Variants in FNDC3B observed in about 807,000 individuals in gnomAD.
The protein encoded by FNDC3B is fibronectin type III domain containing 3B.
A neutral mutation model predicts 151.5 loss-of-function variants in FNDC3B; 12 were observed. The observed-to-expected ratio is 0.08, with a 90% CI of 0.05 to 0.13. The LOEUF is 0.13. Ranked by LOEUF, FNDC3B falls within the 10% of genes least tolerant of loss-of-function variation. The pLI, the probability that FNDC3B is intolerant of heterozygous loss-of-function variation, is 1.00. For synonymous variants in FNDC3B, 528 were observed against 549.0 expected (o/e 0.96, Z 0.54); for missense variants, 1,214 against 1,505.3 (o/e 0.81, Z 3.20).
intron 3 of FNDC3B, among the ~76,000 whole-genome samples, chr3:172,192,258 C>T (rs898350193): frequency 2.6e-5 from 4 of 151,014 alleles, no homozygotes; most frequent in South Asian, 2.1e-4. Context: ...CTGCAACCTC[C>T]GCCTCCCTGG....
chr3:172,306,414 C>T (rs1342391602), intron 9 of FNDC3B, among the ~76,000 whole-genome samples: 4 of 152,310 alleles, frequency 2.6e-5, no homozygotes, highest in African/African-American at 9.6e-5. Flanking sequence ...GATTTCCCTA[C>T]CTCAGAGAGG....
At chr3:172,108,583 T>G (rs1419024689) in intron 1 of FNDC3B, among the ~76,000 whole-genome samples, 1 of 152,188 alleles carries the variant, frequency 6.6e-6, no homozygotes. Flanking sequence ...ACAGAGGAGG[T>G]TCACTTTTGG....
intron 6 of FNDC3B, among the ~76,000 whole-genome samples, chr3:172,262,720 T>C (rs916775731): frequency 7.3e-5 from 11 of 151,330 alleles, no homozygotes; most frequent in South Asian, 2.1e-4. Flanking sequence ...CTGGACAGCA[T>C]AGCAAGACCC....
intron 6 of FNDC3B, among the ~76,000 whole-genome samples, chr3:172,284,998 A>G (rs189398890): frequency 2.0e-5 from 3 of 152,146 alleles, no homozygotes; most frequent in Admixed American, 2.0e-4. Flanking sequence ...TCTATCACTT[A>G]TCTTTTTTTG....
intron 3 of FNDC3B, among the ~76,000 whole-genome samples, chr3:172,145,773 A>C (rs1721873741): frequency 6.6e-6 from 1 of 152,000 alleles, no homozygotes; most frequent in Admixed American, 6.6e-5. Context: ...CAGATAGTAT[A>C]AATTGTCTTT....
intron 22 of FNDC3B, among the ~76,000 whole-genome samples, chr3:172,361,137 C>G (rs1442460380): frequency 6.6e-6 from 1 of 152,110 alleles, no homozygotes; most frequent in Non-Finnish European, 1.5e-5. Flanking sequence ...TTGTGAAATG[C>G]CCTTTAAGGG....
At chr3:172,329,299 A>G in intron 12 of FNDC3B, 2 of 436,504 alleles carry the variant, frequency 4.6e-6, no homozygotes, top group Non-Finnish European at 8.0e-6. Flanking sequence ...AGGCCCCACT[A>G]GGGGTCTCTA....
chr3:172,261,421 C>T (rs1362006240), intron 6 of FNDC3B, among the ~76,000 whole-genome samples: 1 of 152,122 alleles, frequency 6.6e-6, no homozygotes, highest in African/African-American at 2.4e-5. Context: ...GGGTGTTGAA[C>T]TTCTGGTTTT....
Position 172,186,799 on chromosome 3 carries a change from T to C in FNDC3B, c.188-40072T>C, listed in dbSNP as rs1040678464. On this transcript the variant is annotated intron_variant, in intron 3 of 25. Transcript: ENST00000415807. ...TTGTTCTCTCTCATGTTTCATGATC[T>C]GTGTCATAGATATTTCTTCATTACG... 10 of 696,388 alleles carry C rather than the reference T, an allele frequency of 1.4e-5. No homozygotes were observed. The Admixed American group carries it at 1.4e-4, about 10-fold the overall frequency. 43.1% of individuals were successfully genotyped at this position (696,388 alleles called of 1,614,324 possible). A position where few individuals can be genotyped will look rare whatever the true frequency, so the allele number is the denominator to read the frequency against.
chr3:172,070,137 G>T (rs949500939), intron 1 of FNDC3B, among the ~76,000 whole-genome samples: 2 of 152,140 alleles, frequency 1.3e-5, no homozygotes, highest in African/African-American at 4.8e-5. Context: ...TTGAAAATCT[G>T]TAGGTGCTTA....
At chr3:172,317,638 C>T (rs1300072678) in intron 11 of FNDC3B, among the ~76,000 whole-genome samples, 1 of 152,202 alleles carries the variant, frequency 6.6e-6, no homozygotes, top group African/African-American at 2.4e-5. Context: ...GTACGTAAGA[C>T]TGAATGAGAT....
At chr3:172,393,133 C>G (rs966321585) in intron 25 of FNDC3B, among the ~76,000 whole-genome samples, 1 of 151,988 alleles carries the variant, frequency 6.6e-6, no homozygotes, top group Non-Finnish European at 1.5e-5. Flanking sequence ...CAACAGTATG[C>G]TGCCTACAAG....
At chr3:172,327,655 C>T (rs1371051204) in intron 11 of FNDC3B, among the ~76,000 whole-genome samples, 1 of 152,250 alleles carries the variant, frequency 6.6e-6, no homozygotes, top group Non-Finnish European at 1.5e-5. Context: ...CTGCCCGCCT[C>T]AACCTCCCAA....
At chr3:172,056,647 C>T (rs943655183) in intron 1 of FNDC3B, among the ~76,000 whole-genome samples, 6 of 152,196 alleles carry the variant, frequency 3.9e-5, no homozygotes, top group Non-Finnish European at 8.8e-5. Flanking sequence ...TTTGGCTCAA[C>T]GTAGTGTTTT....
At chr3:172,142,767 C>G (rs1456768933) in intron 3 of FNDC3B, among the ~76,000 whole-genome samples, 1 of 152,180 alleles carries the variant, frequency 6.6e-6, no homozygotes, top group East Asian at 1.9e-4. Flanking sequence ...CTTAGTCTGT[C>G]TGGGCTGCTA....
Position 172,307,354 on chromosome 3 carries a change from T to G in FNDC3B, c.1062-9T>G. The G allele has an allele frequency of 1.2e-6, 2 of 1,614,146 alleles. No individual in the cohort carries two copies. The highest frequency in any genetic ancestry group is 1.7e-6 in the Non-Finnish European group (2 of 1,179,972). On this transcript the variant is annotated splice_polypyrimidine_tract_variant and intron_variant, in intron 9 of 25. Transcript: ENST00000415807. ...TCACTGCCACTGACTGTGTCTGTTT[T>G]GTTTTCAGGGTGTATGCCATGTACA...
Position 172,251,407 on chromosome 3 carries a change from C to A in FNDC3B, c.656C>A (p.Thr219Lys). ...TCTTCTATCTACAAAAGCAGCTGCACAACAGTATACAATGGCTATGGGAAG... is the reference window on the plus strand; with the variant it reads ...TCTTCTATCTACAAAAGCAGCTGCAAAACAGTATACAATGGCTATGGGAAG... ...PPSSIYKSSC[T>K]TVYNGYGKGH... The change falls in exon 6 of 26, where the codon ACA (threonine) becomes AAA (lysine). Residue 219 changes from threonine to lysine, a missense_variant. Thr to Lys is a moderately conservative substitution (Grantham distance 78). This residue lies in a region of FNDC3B where 166 missense variants were observed against 173.2 expected (regional missense o/e 0.96). Coordinates refer to ENST00000415807, the MANE Select transcript of FNDC3B (RefSeq NM_022763.4). 1 of 1,614,006 alleles carries A rather than the reference C, an allele frequency of 6.2e-7. No homozygotes were observed. Among genetic ancestry groups the A allele is most frequent in the Non-Finnish European group, 8.5e-7 (1 of 1,180,010 alleles).
At chr3:172,289,140 A>T (rs1730182338) in intron 7 of FNDC3B, among the ~76,000 whole-genome samples, 1 of 152,178 alleles carries the variant, frequency 6.6e-6, no homozygotes, top group African/African-American at 2.4e-5. Flanking sequence ...TGGCAGGGCT[A>T]TATTTCTTTC....
intron 3 of FNDC3B, among the ~76,000 whole-genome samples, chr3:172,167,890 C>T (rs762861352): frequency 2.6e-5 from 4 of 152,280 alleles, no homozygotes; most frequent in South Asian, 2.1e-4. Flanking sequence ...GCCCTGCCAC[C>T]GCATCACATC....
Sources: allele counts gnomAD v4.1 joint callset (sites outside exome capture counted in the v4.1 genomes callset), GRCh38; gene constraint gnomAD v4.1.1; regional missense constraint gnomAD v4.1.1; transcripts MANE v1.5; gene names NCBI Gene and HGNC (gene_info 2026-07-23, HGNC 2026-07-21).